BNC2: variants seen among roughly 807,000 people sequenced by gnomAD.
The protein encoded by BNC2 is zinc finger protein basonuclin-2.
BNC2 carries 20 observed loss-of-function variants against 76.3 expected under a neutral mutation model. That is an observed-to-expected ratio of 0.26 (90% CI 0.18 to 0.38). The LOEUF is 0.38. Among genes scored for constraint, BNC2 ranks in the 10% least tolerant of loss-of-function variants. The pLI is 1.00. For synonymous variants in BNC2, 582 were observed against 514.8 expected, an observed-to-expected ratio of 1.13 and a Z score of -1.77; for missense variants, 1,382 against 1,399.8, an observed-to-expected ratio of 0.99 and a Z score of 0.20.
intron 2 of BNC2, among the ~76,000 whole-genome samples, chr9:16,736,898 C>T (rs1824688655): frequency 6.6e-6 from 1 of 152,100 alleles, no homozygotes; most frequent in African/African-American, 2.4e-5. Context: ...TCTCCGCCTC[C>T]CAGATTCAAG....
intron 1 of BNC2, among the ~76,000 whole-genome samples, chr9:16,754,042 T>C (rs7866999): frequency 0.86 from 130,771 of 151,914 alleles, 56,672 homozygotes; most frequent in Non-Finnish European, 0.91. Flanking sequence ...CTCAGAGTGC[T>C]CGCTTATAGC....
At chr9:16,666,488 C>A (rs527682650) in intron 3 of BNC2, among the ~76,000 whole-genome samples, 6 of 152,200 alleles carry the variant, frequency 3.9e-5, no homozygotes, top group Non-Finnish European at 8.8e-5. Context: ...AACACACGCA[C>A]AGAAAGGTTA....
chr9:16,699,998 T>A (rs573183401), intron 3 of BNC2, among the ~76,000 whole-genome samples: 21 of 152,262 alleles, frequency 1.4e-4, no homozygotes, highest in Non-Finnish European at 2.4e-4. Flanking sequence ...GACATTATTT[T>A]CCCAGTTAAG....
At chr9:16,767,919 C>T (rs1825739170) in intron 1 of BNC2, among the ~76,000 whole-genome samples, 1 of 151,346 alleles carries the variant, frequency 6.6e-6, no homozygotes. Flanking sequence ...TAAGATCCGA[C>T]ATGCTCAAAT....
chr9:16,762,950 C>G (rs564169529), intron 1 of BNC2, among the ~76,000 whole-genome samples: 1 of 152,156 alleles, frequency 6.6e-6, no homozygotes, highest in South Asian at 2.1e-4. Flanking sequence ...ACTATCATTT[C>G]CAGTGTACAT....
intron 1 of BNC2, among the ~76,000 whole-genome samples, chr9:16,833,217 T>C (rs1243593165): frequency 6.6e-6 from 1 of 152,104 alleles, no homozygotes; most frequent in African/African-American, 2.4e-5. Flanking sequence ...GACCTATTCA[T>C]CAGACGATGA....
rs540412575 is a variant in BNC2 at position 16,432,354 on chromosome 9, G to A, written c.2639+3201C>T. On this transcript the variant is annotated intron_variant, in intron 6 of 6. Transcript: ENST00000380672. ...CAACTTGATCTTATAAAATCTAGAA[G>A]GACCATAAACAAAGACCTGGAAATC... Among the ~76,000 whole-genome samples the A allele has an allele frequency of 2.6e-5, 4 of 152,276 alleles. No homozygotes were observed. In the East Asian group the frequency reaches 7.7e-4, roughly 29 times the overall value.
chr9:16,700,794 T>G (rs1270286086), intron 3 of BNC2, among the ~76,000 whole-genome samples: 1 of 152,032 alleles, frequency 6.6e-6, no homozygotes, highest in Non-Finnish European at 1.5e-5. Flanking sequence ...ACCCCATCCC[T>G]GCTAAAAATA....
intron 5 of BNC2, among the ~76,000 whole-genome samples, chr9:16,526,504 T>TC (rs1817808163): frequency 7.1e-6 from 1 of 140,942 alleles, no homozygotes; most frequent in Non-Finnish European, 1.5e-5. Context: ...GCCTTGTGAT[T>TC]CACCTTACTC....
At chr9:16,621,040 C>T (rs1458797348) in intron 3 of BNC2, among the ~76,000 whole-genome samples, 1 of 152,132 alleles carries the variant, frequency 6.6e-6, no homozygotes, top group Non-Finnish European at 1.5e-5. Context: ...AAAACTCACC[C>T]AAGATCAAAT....
At chr9:16,754,387 G>T (rs7852130) in intron 1 of BNC2, among the ~76,000 whole-genome samples, 133 of 152,212 alleles carry the variant, frequency 8.7e-4, no homozygotes, top group African/African-American at 3.1e-3. Flanking sequence ...CAGAAAAGTT[G>T]CCCCAACCCA....
At chr9:16,711,223 T>C (rs1441960012) in intron 3 of BNC2, among the ~76,000 whole-genome samples, 1 of 152,078 alleles carries the variant, frequency 6.6e-6, no homozygotes, top group African/African-American at 2.4e-5. Context: ...GAACCTTAAA[T>C]GTCTCGTTGA....
chr9:16,711,112 C>T (rs1158567738), intron 3 of BNC2, among the ~76,000 whole-genome samples: 1 of 152,144 alleles, frequency 6.6e-6, no homozygotes, highest in East Asian at 1.9e-4. Flanking sequence ...CCCCTCCCCC[C>T]AGTCTTTCTC....
chr9:16,739,124 G>A (rs1052563543), intron 1 of BNC2, among the ~76,000 whole-genome samples: 2 of 152,032 alleles, frequency 1.3e-5, no homozygotes, highest in Non-Finnish European at 2.9e-5. Flanking sequence ...GAACATAAGG[G>A]AAGATGTACA....
Position 16,866,335 on chromosome 9 carries a change from A to C in BNC2, c.3+4311T>G, listed in dbSNP as rs573041303. ...TATTTTAAAGAAAATTTCTCTCTGG[A>C]ATACAGAAGTTGTATGTAGAACTAC... On this transcript the variant is annotated intron_variant, in intron 1 of 6. Coordinates refer to ENST00000380672, the MANE Select transcript of BNC2 (RefSeq NM_017637.6). 4.6e-5 allele frequency among the ~76,000 whole-genome samples: 7 copies of C among 152,212 alleles called. No individual in the cohort carries two copies. The South Asian group carries it at 1.2e-3, about 27-fold the overall frequency.
intron 1 of BNC2, among the ~76,000 whole-genome samples, chr9:16,858,751 CAGG>C (rs1468710404): frequency 6.6e-6 from 1 of 151,652 alleles, no homozygotes; most frequent in African/African-American, 2.4e-5. Flanking sequence ...GAGGCTGAGG[CAGG>C]AGAATGGCGT....
chr9:16,709,065 G>T (rs1221733463), intron 3 of BNC2, among the ~76,000 whole-genome samples: 3 of 152,154 alleles, frequency 2.0e-5, no homozygotes, highest in Admixed American at 1.3e-4. Context: ...CGGCTTCACC[G>T]CTGGGAAATG....
intron 3 of BNC2, among the ~76,000 whole-genome samples, chr9:16,634,423 G>A (rs1821254971): frequency 6.6e-6 from 1 of 151,814 alleles, no homozygotes; most frequent in Admixed American, 6.6e-5. Context: ...GTGACAAATA[G>A]GTAAACCAAA....
chr9:16,816,226 G>A (rs751314627), intron 1 of BNC2, among the ~76,000 whole-genome samples: 6 of 152,168 alleles, frequency 3.9e-5, no homozygotes, highest in South Asian at 2.1e-4. Context: ...TTTATCCCCC[G>A]TGTTTGGACA....
Sources: allele counts gnomAD v4.1 joint callset (sites outside exome capture counted in the v4.1 genomes callset), GRCh38; gene constraint gnomAD v4.1.1; transcripts MANE v1.5; gene names NCBI Gene and HGNC (gene_info 2026-07-23, HGNC 2026-07-21).